Variants in ZNF429 observed in about 807,000 individuals in gnomAD.
The protein encoded by ZNF429 is zinc finger protein 429.
Under a neutral mutation model 56.8 loss-of-function variants are expected in ZNF429, and 53 were observed. That is an observed-to-expected ratio of 0.93 (90% CI 0.75 to 1.17). The LOEUF (loss-of-function observed/expected upper bound fraction) is 1.17, where lower values mean the gene tolerates loss of function less well. ZNF429 is among the 50% of genes most tolerant of loss of function. ZNF429 has a pLI of 0.00. For missense variants in ZNF429, 849 were observed against 788.4 expected (o/e 1.08, Z -0.92); for synonymous variants, 278 against 264.7 (o/e 1.05, Z -0.49).
Position 21,536,707 on chromosome 19 carries a change from C to G in ZNF429, c.654C>G (p.Asn218Lys). 6.2e-7 allele frequency: 1 copy of G among 1,613,882 alleles called. No homozygotes were observed. The highest frequency in any genetic ancestry group is 2.2e-5 in the East Asian group (1 of 44,810). ...NAFNQSSALT[N>K]HKRIYVGEKH... ...TTAATCAGTCCTCAGCCCTTACTAA[C>G]CATAAGAGAATTTATGTTGGTGAGA... The change falls in exon 4 of 4, where the codon AAC becomes AAG. Residue 218 changes from asparagine (N) to lysine (K), a missense_variant. By Grantham distance (94) the Asn-to-Lys change is moderately conservative. Transcript: ENST00000358491.
intron 1 of ZNF429, chr19:21,529,150 G>A (rs561722453): frequency 1.3e-5 from 2 of 152,342 alleles, no homozygotes; most frequent in South Asian, 4.1e-4. Context: ...ATTCTTTTTG[G>A]ATCAAAAACA....
intron 1 of ZNF429, among the ~76,000 whole-genome samples, chr19:21,508,630 C>CT (rs954594795): frequency 4.1e-4 from 61 of 147,406 alleles, no homozygotes; most frequent in East Asian, 1.2e-3. Flanking sequence ...AAAAATCTAT[C>CT]TTTTTTTTTT....
At position 21,536,813 on chromosome 19, in the gene ZNF429, G is replaced by A. The variant is rs1309038609; in HGVS notation, c.760G>A (p.Glu254Lys). ...LTNHKRIHTG[E>K]KPYKCKECGK... is the part of the protein sequence containing the mutation. ...TAACCATAAGAGAATTCATACTGGA[G>A]AGAAACCCTACAAATGTAAAGAATG... Residue 254 changes from glutamate (E) to lysine (K), a missense_variant, in exon 4 of 4, where the codon GAG (glutamate) becomes AAG (lysine). Glu to Lys is a moderately conservative substitution (Grantham distance 56). Coordinates refer to ENST00000358491, the MANE Select transcript of ZNF429 (RefSeq NM_001001415.4). 1 of 1,613,786 alleles carries A rather than the reference G, an allele frequency of 6.2e-7. No homozygotes were observed. Among genetic ancestry groups the A allele is most frequent in the Non-Finnish European group, 8.5e-7 (1 of 1,179,964 alleles).
intron 1 of ZNF429, among the ~76,000 whole-genome samples, chr19:21,524,268 G>A (rs1246254778): frequency 1.3e-5 from 2 of 152,164 alleles, no homozygotes; most frequent in South Asian, 2.1e-4. Flanking sequence ...GGTGGCTCAC[G>A]CCTATAATCC....
At chr19:21,524,267 C>A (rs368352540) in intron 1 of ZNF429, among the ~76,000 whole-genome samples, 31 of 152,336 alleles carry the variant, frequency 2.0e-4, no homozygotes, top group African/African-American at 7.5e-4. Flanking sequence ...TGGTGGCTCA[C>A]GCCTATAATC....
intron 3 of ZNF429, 115 bp downstream of exon 3, chr19:21,530,799 A>T: frequency 1.2e-6 from 1 of 859,264 alleles, no homozygotes; most frequent in Admixed American, 2.9e-5. Context: ...ATATTTTCTG[A>T]AAAACTGTGT....
intron 1 of ZNF429, among the ~76,000 whole-genome samples, chr19:21,527,458 C>CT (rs1396280826): frequency 4.6e-5 from 7 of 152,154 alleles, no homozygotes; most frequent in Non-Finnish European, 8.8e-5. Context: ...AGGCCAGAAT[C>CT]AAGTATGAAA....
intron 1 of ZNF429, among the ~76,000 whole-genome samples, chr19:21,513,199 T>G (rs1464348040): frequency 6.6e-6 from 1 of 152,132 alleles, no homozygotes; most frequent in African/African-American, 2.4e-5. Context: ...GGGGTTTCTT[T>G]CCATAAACTG....
intron 1 of ZNF429, chr19:21,507,412 GATTT>G (rs1178749136): frequency 6.6e-6 from 1 of 152,110 alleles, no homozygotes; most frequent in African/African-American, 2.4e-5. Context: ...CATTTAAAAA[GATTT>G]GTTTTCTGTT....
intron 1 of ZNF429, among the ~76,000 whole-genome samples, chr19:21,509,252 C>T (rs955978044): frequency 2.0e-5 from 3 of 152,194 alleles, no homozygotes; most frequent in African/African-American, 7.2e-5. Flanking sequence ...GGCAATCTGC[C>T]CCTCCTAAAG....
chr19:21,531,136 A>AAAAACAAAAC, intron 3 of ZNF429, among the ~76,000 whole-genome samples: 67 of 130,126 alleles, frequency 5.1e-4, no homozygotes, highest in East Asian at 6.7e-4. Flanking sequence ...AAAACCAAAA[A>AAAAACAAAAC]AAAAAAAACA....
intron 1 of ZNF429, among the ~76,000 whole-genome samples, chr19:21,528,102 C>T (rs2033233584): frequency 6.6e-6 from 1 of 152,188 alleles, no homozygotes; most frequent in East Asian, 1.9e-4. Context: ...ATGTGCCATG[C>T]AGAATTCTCA....
chr19:21,506,460 AAGG>A (rs2032158570), intron 1 of ZNF429, among the ~76,000 whole-genome samples: 1 of 107,826 alleles, frequency 9.3e-6, no homozygotes, highest in Non-Finnish European at 2.2e-5. Flanking sequence ...AAAAAAAAAA[AAGG>A]GGAGTCACTG....
At chr19:21,535,453 T>TC in intron 3 of ZNF429, among the ~76,000 whole-genome samples, 3 of 107,324 alleles carry the variant, frequency 2.8e-5, no homozygotes, top group African/African-American at 1.3e-4. Context: ...TCTTTCTTTC[T>TC]TTCTTTCTTT....
rs754293135 is a variant in ZNF429, at chr19:21,536,566, A to T, written c.513A>T (p.Lys171Asn). ...ACAAGACAAGACATACTGGAAAGAA[A>T]CCTTTCCAGTGTAAAAAATGTGGCA... ...DRYKTRHTGKKPFQCKKCGKS... is the reference protein window; with the variant it reads ...DRYKTRHTGKNPFQCKKCGKS... The change falls in exon 4 of 4, where the codon AAA becomes AAT. Residue 171 changes from lysine to asparagine, a missense_variant. By Grantham distance (94) the Lys-to-Asn change is moderately conservative (BLOSUM62 0). Transcript: ENST00000358491. 1 of 1,612,780 alleles carries T rather than the reference A, an allele frequency of 6.2e-7. No homozygotes were observed. Among genetic ancestry groups the T allele is most frequent in the Non-Finnish European group, 8.5e-7 (1 of 1,179,192 alleles).
intron 1 of ZNF429, among the ~76,000 whole-genome samples, chr19:21,523,232 T>C (rs1039765928): frequency 3.3e-5 from 5 of 152,232 alleles, no homozygotes; most frequent in African/African-American, 1.2e-4. Context: ...ATTCAGGACC[T>C]AAATCTGCAG....
chr19:21,506,443 CAAAAAA>C (rs1229591215), intron 1 of ZNF429, among the ~76,000 whole-genome samples: 1 of 99,244 alleles, frequency 1.0e-5, no homozygotes. Context: ...CTATCTCAAA[CAAAAAA>C]AAAAAAAAAA....
Position 21,537,678 on chromosome 19 carries a change from G to A in ZNF429, c.1625G>A (p.Cys542Tyr). ...GAGAAACCTTACAAATGTGAAGAAT[G>A]TGGCAAAGCTTTTAACCGGTCCTCA... ...TGEKPYKCEE[C>Y]GKAFNRSSRL... Residue 542 changes from cysteine (C) to tyrosine (Y), a missense_variant, in exon 4 of 4, where the codon TGT (cysteine) becomes TAT (tyrosine). Cys to Tyr is a radical substitution (Grantham distance 194). Coordinates refer to ENST00000358491, the MANE Select transcript of ZNF429 (RefSeq NM_001001415.4). 1 of 1,613,694 alleles carries A rather than the reference G, an allele frequency of 6.2e-7. No individual in the cohort carries two copies. Among genetic ancestry groups the A allele is most frequent in the Non-Finnish European group, 8.5e-7 (1 of 1,179,932 alleles).
chr19:21,531,121 A>C lies in ZNF429; in HGVS notation c.226+437A>C. On this transcript the variant is annotated intron_variant, in intron 3 of 3. Transcript: ENST00000358491. ...AACTCCATCTCAAAAAAAAAAAAAA[A>C]AAAAAAAACCAAAAAAAAAAAAACA... is the stretch of plus-strand genomic sequence containing the variant. Among the ~76,000 whole-genome samples the C allele has an allele frequency of 3.8e-5, 4 of 104,886 alleles. 1 individual carries two copies. Among genetic ancestry groups the C allele is most frequent in the African/African-American group, 7.5e-5 (2 of 26,740 alleles). 68.8% of individuals were successfully genotyped at this position (104,886 alleles called of 152,430 possible).
Sources: allele counts gnomAD v4.1 joint callset (sites outside exome capture counted in the v4.1 genomes callset), GRCh38; gene constraint gnomAD v4.1.1; transcripts MANE v1.5; gene names NCBI Gene and HGNC (gene_info 2026-07-23, HGNC 2026-07-21).